DDX54: variants seen among roughly 807,000 people sequenced by gnomAD.
DDX54 encodes the protein ATP-dependent RNA helicase DDX54.
DDX54 carries 67 observed loss-of-function variants against 105.5 expected under a neutral mutation model. That is an observed-to-expected ratio of 0.64 (90% CI 0.52 to 0.78). DDX54 has a LOEUF of 0.78. DDX54 is among the 30% of genes least tolerant of loss of function. The pLI, the probability that DDX54 is intolerant of heterozygous loss-of-function variation, is 0.00. For synonymous variants in DDX54, 514 were observed against 509.9 expected, an observed-to-expected ratio of 1.01 and a Z score of -0.11; for missense variants, 1,206 against 1,230.5, an observed-to-expected ratio of 0.98 and a Z score of 0.30.
At chr12:113,183,228 T>C (rs1236281508) in intron 1 of DDX54, among the ~76,000 whole-genome samples, 1 of 152,220 alleles carries the variant, frequency 6.6e-6, no homozygotes, top group Non-Finnish European at 1.5e-5. Flanking sequence ...ACAGAGAGGT[T>C]AAGCAACCTC....
intron 12 of DDX54, chr12:113,167,854 T>C (rs376478225): frequency 5.3e-5 from 25 of 469,832 alleles, no homozygotes; most frequent in South Asian, 3.2e-4. Flanking sequence ...TGTACGGGGC[T>C]GCGTGCTGCC....
chr12:113,166,093 G>T (rs1952272502), intron 12 of DDX54, 61 bp from the exon 13 acceptor site: 4 of 1,516,026 alleles, frequency 2.6e-6, no homozygotes, highest in South Asian at 1.2e-5. Context: ...TCCACTGCCC[G>T]ACCACCACTC....
At chr12:113,168,636 A>T (rs1009626671) in intron 12 of DDX54, among the ~76,000 whole-genome samples, 1 of 152,248 alleles carries the variant, frequency 6.6e-6, no homozygotes, top group Non-Finnish European at 1.5e-5. Flanking sequence ...GTATACAGAA[A>T]TGTCCTGTGG....
Position 113,179,183 on chromosome 12 carries a change from G to A in DDX54, c.524C>T (p.Thr175Ile), listed in dbSNP as rs1345735205. Residue 175 changes from threonine to isoleucine, a missense_variant, in exon 4 of 20, where the codon ACC becomes ATC. By Grantham distance (89) the Thr-to-Ile change is moderately conservative (BLOSUM62 -1). Coordinates refer to ENST00000306014, the MANE Select transcript of DDX54 (RefSeq NM_024072.4). ...CAGGGTCTGCAGGGCCAGCTCTCGGGTCGGCGAGAGGATGAGGGCGCGGGC... is the reference window on the plus strand; with the variant it reads ...CAGGGTCTGCAGGGCCAGCTCTCGGATCGGCGAGAGGATGAGGGCGCGGGC... ...TGARALILSP[T>I]RELALQTLKF... 6.2e-7 allele frequency: 1 copy of A among 1,613,968 alleles called. No homozygotes were observed. Among genetic ancestry groups the A allele is most frequent in the African/African-American group, 1.3e-5 (1 of 74,918 alleles).
intron 14 of DDX54, among the ~76,000 whole-genome samples, chr12:113,165,242 C>G (rs1253006260): frequency 6.6e-6 from 1 of 152,124 alleles, no homozygotes. Flanking sequence ...TCCATATGCA[C>G]AAGATGGGGT....
At chr12:113,183,991 G>A (rs1162225001) in intron 1 of DDX54, among the ~76,000 whole-genome samples, 1 of 152,144 alleles carries the variant, frequency 6.6e-6, no homozygotes, top group East Asian at 1.9e-4. Flanking sequence ...CTGTCACCCA[G>A]GCTGGAGTGC....
intron 12 of DDX54, among the ~76,000 whole-genome samples, chr12:113,169,165 A>T (rs1253600596): frequency 6.6e-6 from 1 of 152,146 alleles, no homozygotes; most frequent in East Asian, 1.9e-4. Flanking sequence ...GTTTCCCAGT[A>T]GATACCAGAA....
At chr12:113,176,782 T>C (rs1416310398) in intron 7 of DDX54, 58 bp downstream of exon 7, 1 of 1,584,772 alleles carries the variant, frequency 6.3e-7, no homozygotes, top group East Asian at 2.2e-5. Context: ...GGTTGACCTC[T>C]CTGCCTCTGC....
intron 3 of DDX54, 84 bp from the exon 4 acceptor site, chr12:113,179,415 G>A (rs1190999935): frequency 2.1e-6 from 3 of 1,450,138 alleles, no homozygotes; most frequent in Non-Finnish European, 1.9e-6. Context: ...TGAGGAGTGG[G>A]CATGCTATAG....
chr12:113,157,450 T>C lies in DDX54; in HGVS notation c.*1427A>G. The C allele has an allele frequency of 1.5e-6, 1 of 658,798 alleles. No homozygotes were observed. The highest frequency in any genetic ancestry group is 1.8e-5 in the South Asian group (1 of 54,712). The allele number at this position is 658,798 out of a possible 1,614,324, so 40.8% of individuals were successfully genotyped here. A position where few individuals can be genotyped will look rare whatever the true frequency, so the allele number is the denominator to read the frequency against. On this transcript the variant is annotated 3_prime_UTR_variant, in exon 20 of 20. Coordinates refer to ENST00000306014, the MANE Select transcript of DDX54 (RefSeq NM_024072.4). ...AACCCAGAACGGTTTAGGATCTCAG[T>C]CACCACCTCTGGGAACCACCATCAT...
At chr12:113,171,996 C>T (rs1228560471) in intron 11 of DDX54, among the ~76,000 whole-genome samples, 1 of 151,750 alleles carries the variant, frequency 6.6e-6, no homozygotes, top group East Asian at 1.9e-4. Context: ...CACACATAGC[C>T]GATTTTAAAA....
chr12:113,178,880 A>G, intron 5 of DDX54, 97 bp downstream of exon 5: 2 of 1,473,202 alleles, frequency 1.4e-6, no homozygotes, highest in South Asian at 2.5e-5. Flanking sequence ...AGCTGCTATT[A>G]TTAATAAGCA....
At chr12:113,179,070 A>G (rs1030766830) in intron 4 of DDX54, 44 bp from the exon 5 acceptor site, 2 of 1,613,706 alleles carry the variant, frequency 1.2e-6, no homozygotes, top group Admixed American at 1.7e-5. Context: ...GTGAGATGAC[A>G]GCACACTCGT....
chr12:113,179,899 C>T (rs1426521433), intron 3 of DDX54, 36 bp downstream of exon 3: 1 of 1,611,926 alleles, frequency 6.2e-7, no homozygotes, highest in Non-Finnish European at 8.5e-7. Context: ...TGTCACTCCT[C>T]CCTCGCCCTC....
At chr12:113,170,198 A>G (rs547211130) in intron 11 of DDX54, among the ~76,000 whole-genome samples, 3 of 152,348 alleles carry the variant, frequency 2.0e-5, no homozygotes, top group African/African-American at 7.2e-5. Flanking sequence ...GCAAAGATGT[A>G]AAGATTCACA....
chr12:113,180,960 C>T lies in DDX54; in HGVS notation c.273G>A (p.Lys91=). ...ACTGGAAGCCTCCAGACTTCTTCTT[C>T]TTCTTGTTCTGGGCACGCACCATCT... is the stretch of plus-strand genomic sequence containing the variant. The part of the protein sequence containing the change: ...TREMVRAQNK[K]KKKSGGFQSM... Residue 91 remains lysine (K), a synonymous_variant, in exon 2 of 20, where the codon AAG becomes AAA. Coordinates refer to ENST00000306014, the MANE Select transcript of DDX54 (RefSeq NM_024072.4). 5.6e-6 allele frequency: 9 copies of T among 1,613,866 alleles called. No homozygotes were observed. Among genetic ancestry groups the T allele is most frequent in the Non-Finnish European group, 7.6e-6 (9 of 1,179,874 alleles).
rs766916048 is a variant in DDX54, at chr12:113,165,894, T to C, written c.1553A>G (p.Gln518Arg). 6.2e-7 allele frequency: 1 copy of C among 1,613,808 alleles called. No individual in the cohort carries two copies. Among genetic ancestry groups the C allele is most frequent in the Admixed American group, 1.7e-5 (1 of 60,028 alleles). The change falls in exon 13 of 20, where the codon CAG becomes CGG. Residue 518 changes from glutamine (Q) to arginine (R), a missense_variant. Around this residue, in one of 3 missense-constraint regions of DDX54, gnomAD observed 961 missense variants for 1,019.1 expected, o/e 0.94. Transcript: ENST00000306014. Reference sequence around the variant, plus strand: ...GGGCGCCGGGCGTGAGCGCACATACTGCTGCTGGGCGTTATCAGCAACGCG... The same window carrying C: ...GGGCGCCGGGCGTGAGCGCACATACCGCTGCTGGGCGTTATCAGCAACGCG... The part of the protein sequence containing the change: ...LARVADNAQQ[Q>R]YVRSRPAPSP...
chr12:113,170,179 G>C (rs1952320608), intron 11 of DDX54, among the ~76,000 whole-genome samples: 1 of 152,200 alleles, frequency 6.6e-6, no homozygotes, highest in Non-Finnish European at 1.5e-5. Context: ...CCACTTTTGA[G>C]AATTCCCCGC....
chr12:113,170,865 C>T (rs1297050392), intron 11 of DDX54, among the ~76,000 whole-genome samples: 2 of 151,872 alleles, frequency 1.3e-5, no homozygotes, highest in Admixed American at 6.6e-5. Context: ...GAAAAACATT[C>T]GTGATGTATG....
Sources: gnomAD v4.1 joint callset for allele counts (sites outside exome capture counted in the v4.1 genomes callset) on GRCh38, gnomAD v4.1.1 for gene constraint, gnomAD v4.1.1 regional missense constraint, MANE v1.5 for transcripts, NCBI Gene and HGNC (gene_info 2026-07-23, HGNC 2026-07-21) for gene names.